The following GRIK2 variants were observed in gnomAD, a reference collection of about 807,000 sequenced individuals.
GRIK2 encodes glutamate ionotropic receptor kainate type subunit 2.
Under a neutral mutation model 100.3 loss-of-function variants are expected in GRIK2, and 32 were observed. The observed-to-expected ratio is 0.32, with a 90% CI of 0.24 to 0.43. The LOEUF (loss-of-function observed/expected upper bound fraction) is 0.43, where lower values mean the gene tolerates loss of function less well. GRIK2 is among the 20% of genes least tolerant of loss of function. The pLI is 1.00. For synonymous variants in GRIK2, 417 were observed against 389.4 expected (o/e 1.07, Z -0.83); for missense variants, 843 against 1,114.9 (o/e 0.76, Z 3.47).
chr6:101,825,122 A>G (rs921951893), intron 10 of GRIK2, among the ~76,000 whole-genome samples: 3 of 152,178 alleles, frequency 2.0e-5, no homozygotes, highest in Non-Finnish European at 4.4e-5. Context: ...CAACTTCACA[A>G]AGAAGAAAAA....
rs111462840 is a variant in GRIK2, at chr6:101,525,169, A to G, written c.116-96780A>G. On this transcript the variant is annotated intron_variant, in intron 2 of 16. Transcript: ENST00000369134. ...ATAGTTTGATATAAAGCAGATGAGA[A>G]GTTACATTAAAGAAGCTTATGCAAA... Among the ~76,000 whole-genome samples, 968 of 152,352 alleles carry G rather than the reference A, an allele frequency of 6.4e-3. 6 individuals carry two copies. The highest frequency in any genetic ancestry group is 0.022 in the African/African-American group (902 of 41,586).
intron 14 of GRIK2, among the ~76,000 whole-genome samples, chr6:101,966,256 G>A (rs1792667434): frequency 6.6e-6 from 1 of 152,032 alleles, no homozygotes; most frequent in Admixed American, 6.6e-5. Context: ...AATTTATTTA[G>A]GTAATGCAAA....
At chr6:101,505,944 G>A (rs923668000) in intron 2 of GRIK2, among the ~76,000 whole-genome samples, 4 of 152,106 alleles carry the variant, frequency 2.6e-5, no homozygotes, top group Non-Finnish European at 4.4e-5. Flanking sequence ...AATTTGGATC[G>A]AATATATTGT....
chr6:101,848,046 C>T (rs2128438361), intron 10 of GRIK2, among the ~76,000 whole-genome samples: 1 of 152,210 alleles, frequency 6.6e-6, no homozygotes, highest in African/African-American at 2.4e-5. Context: ...TGGGAGCCAC[C>T]ACACAGGTTA....
intron 14 of GRIK2, among the ~76,000 whole-genome samples, chr6:101,991,469 A>G (rs1582679734): frequency 6.6e-6 from 1 of 151,122 alleles, no homozygotes; most frequent in Admixed American, 6.6e-5. Context: ...ACACAAATAA[A>G]TAGAAGTGTT....
chr6:101,588,778 T>A (rs1163570012), intron 2 of GRIK2, among the ~76,000 whole-genome samples: 1 of 152,034 alleles, frequency 6.6e-6, no homozygotes, highest in Non-Finnish European at 1.5e-5. Flanking sequence ...CATACATATG[T>A]AACAAACCTG....
intron 2 of GRIK2, among the ~76,000 whole-genome samples, chr6:101,554,112 C>A (rs1036799617): frequency 3.3e-5 from 5 of 152,060 alleles, no homozygotes; most frequent in African/African-American, 1.2e-4. Context: ...GAGAGTGAAA[C>A]CATAAGCAGT....
rs1180862156 is a variant in GRIK2, at chr6:101,554,609, T to C, written c.116-67340T>C. Among the ~76,000 whole-genome samples the C allele has an allele frequency of 2.0e-5, 3 of 152,144 alleles. No individual in the cohort carries two copies. The East Asian group carries it at 5.8e-4, about 29-fold the overall frequency. ...AGAACTGTCCATCAAACTCTGGATA[T>C]ATCACTATCATGGCAATCAATACAG... On this transcript the variant is annotated intron_variant, in intron 2 of 16. Coordinates refer to ENST00000369134, the MANE Select transcript of GRIK2 (RefSeq NM_021956.5).
chr6:101,456,147 A>T (rs746865167), intron 2 of GRIK2, among the ~76,000 whole-genome samples: 1 of 151,210 alleles, frequency 6.6e-6, no homozygotes, highest in Non-Finnish European at 1.5e-5. Flanking sequence ...AAAGAGAAGG[A>T]TGCTGAAAGG....
At chr6:101,923,609 A>T (rs886135233) in intron 12 of GRIK2, among the ~76,000 whole-genome samples, 1 of 152,156 alleles carries the variant, frequency 6.6e-6, no homozygotes, top group Non-Finnish European at 1.5e-5. Context: ...GAGCCTCAGT[A>T]TGAATTCCTG....
intron 4 of GRIK2, among the ~76,000 whole-genome samples, chr6:101,649,413 G>C (rs1310808320): frequency 6.6e-6 from 1 of 152,020 alleles, no homozygotes; most frequent in African/African-American, 2.4e-5. Context: ...CCATGCTTTT[G>C]TCATGCCACT....
At chr6:101,905,983 G>A (rs1248655017) in intron 12 of GRIK2, among the ~76,000 whole-genome samples, 1 of 151,588 alleles carries the variant, frequency 6.6e-6, no homozygotes, top group Non-Finnish European at 1.5e-5. Flanking sequence ...AAAATATGCT[G>A]TAGTTTAATA....
chr6:101,706,916 T>C lies in GRIK2; in HGVS notation c.951+20563T>C, dbSNP rs1374319176. 2.6e-5 allele frequency among the ~76,000 whole-genome samples: 4 copies of C among 151,882 alleles called. No individual in the cohort carries two copies. In the East Asian group the frequency reaches 5.8e-4, roughly 22 times the overall value. On this transcript the variant is annotated intron_variant, in intron 7 of 16. Coordinates refer to ENST00000369134, the MANE Select transcript of GRIK2 (RefSeq NM_021956.5). ...TCCTAGTAGCAGTTTCAGCAGAGCT[T>C]CTTCATAGTCATCAAATATATGTAT...
chr6:102,045,228 A>T (rs2782921), intron 15 of GRIK2, among the ~76,000 whole-genome samples: 1 of 151,976 alleles, frequency 6.6e-6, no homozygotes, highest in South Asian at 2.1e-4. Context: ...CAAATAAACA[A>T]GGTAATGTGT....
intron 14 of GRIK2, among the ~76,000 whole-genome samples, chr6:102,002,245 C>T (rs1794979098): frequency 6.7e-6 from 1 of 148,750 alleles, no homozygotes; most frequent in Admixed American, 6.8e-5. Flanking sequence ...ATTTTTTAAG[C>T]TAAATGCCTG....
chr6:101,605,157 G>T (rs1427093079), intron 2 of GRIK2, among the ~76,000 whole-genome samples: 1 of 151,912 alleles, frequency 6.6e-6, no homozygotes, highest in Admixed American at 6.6e-5. Flanking sequence ...CAAAGGAAAG[G>T]CTTGATGCTT....
chr6:101,949,301 A>C (rs1288113005), intron 14 of GRIK2, among the ~76,000 whole-genome samples: 1 of 152,008 alleles, frequency 6.6e-6, no homozygotes, highest in South Asian at 2.1e-4. Flanking sequence ...TTATAATAGA[A>C]ATTTATCAAA....
intron 2 of GRIK2, among the ~76,000 whole-genome samples, chr6:101,474,046 C>T: frequency 6.6e-6 from 1 of 151,754 alleles, no homozygotes; most frequent in East Asian, 1.9e-4. Flanking sequence ...ATACACTGAC[C>T]TACCAATGAA....
intron 13 of GRIK2, chr6:101,927,308 G>T: frequency 5.5e-6 from 4 of 730,958 alleles, no homozygotes; most frequent in Non-Finnish European, 6.7e-6. Flanking sequence ...TTACCTTACT[G>T]CATCAGAGAT....
Sources: allele counts gnomAD v4.1 joint callset (sites outside exome capture counted in the v4.1 genomes callset), GRCh38; gene constraint gnomAD v4.1.1; transcripts MANE v1.5; gene names NCBI Gene and HGNC (gene_info 2026-07-23, HGNC 2026-07-21).